UST: variants seen among roughly 807,000 people sequenced by gnomAD.
UST encodes the protein uronyl 2-sulfotransferase.
In UST, 21 loss-of-function variants were observed where a neutral mutation model predicts 45.6. That is an observed-to-expected ratio of 0.46 (90% confidence interval 0.33 to 0.66). The LOEUF is 0.66. UST is among the 30% of genes least tolerant of loss of function. The pLI is 0.02. For synonymous variants in UST, 215 were observed against 200.6 expected, an observed-to-expected ratio of 1.07 and a Z score of -0.61; for missense variants, 463 against 512.4, an observed-to-expected ratio of 0.90 and a Z score of 0.93.
intron 2 of UST, among the ~76,000 whole-genome samples, chr6:148,939,103 A>G (rs1420520295): frequency 1.3e-5 from 2 of 152,174 alleles, no homozygotes; most frequent in African/African-American, 4.8e-5. Context: ...TAAGAGAAGA[A>G]TTCTATTTAT....
rs948669586 is a variant in UST at position 148,842,827 on chromosome 6, G to A, written c.248-44159G>A. On this transcript the variant is annotated intron_variant, in intron 1 of 7. Transcript: ENST00000367463. ...TAAGAGGTTTCTTATAACAGGCCTA[G>A]TCTGTGGCAATCCTAGTGAGTAGTA... is the stretch of plus-strand genomic sequence containing the variant. Among the ~76,000 whole-genome samples, 7 of 152,292 alleles carry A rather than the reference G, an allele frequency of 4.6e-5. No individual in the cohort carries two copies. In the East Asian group the frequency reaches 1.3e-3, roughly 29 times the overall value.
chr6:148,970,306 G>A (rs559462520), intron 5 of UST, among the ~76,000 whole-genome samples: 7 of 152,248 alleles, frequency 4.6e-5, no homozygotes, highest in African/African-American at 7.2e-5. Context: ...ACCACCAAAC[G>A]GCAGCCATGT....
intron 5 of UST, among the ~76,000 whole-genome samples, chr6:149,005,998 T>C (rs1424576390): frequency 6.6e-6 from 1 of 152,204 alleles, no homozygotes; most frequent in Non-Finnish European, 1.5e-5. Context: ...AAAGAGGTCC[T>C]TGTAACTAAC....
chr6:148,760,736 C>CAAAAA (rs773945433), intron 1 of UST, among the ~76,000 whole-genome samples: 8 of 149,274 alleles, frequency 5.4e-5, no homozygotes, highest in South Asian at 2.1e-4. Context: ...CAAAACAAAA[C>CAAAAA]AAAAAAAAAC....
chr6:148,850,691 G>A (rs1778087610), intron 1 of UST, among the ~76,000 whole-genome samples: 1 of 152,184 alleles, frequency 6.6e-6, no homozygotes, highest in Admixed American at 6.5e-5. Context: ...CCTCCAGGTT[G>A]ACATATGGGA....
intron 1 of UST, among the ~76,000 whole-genome samples, chr6:148,838,704 G>A (rs1423661670): frequency 2.0e-5 from 3 of 152,046 alleles, no homozygotes; most frequent in Admixed American, 6.6e-5. Flanking sequence ...AGACCAGCCT[G>A]GGCAACATAA....
chr6:148,979,330 G>GA, intron 5 of UST, among the ~76,000 whole-genome samples: 1 of 152,178 alleles, frequency 6.6e-6, no homozygotes, highest in Admixed American at 6.5e-5. Flanking sequence ...AAGGAAAGAT[G>GA]AAAAACAACT....
chr6:149,055,490 A>G (rs1404572326), intron 7 of UST, among the ~76,000 whole-genome samples: 1 of 152,050 alleles, frequency 6.6e-6, no homozygotes, highest in Non-Finnish European at 1.5e-5. Context: ...TTCATTGAAC[A>G]CACTTTTTAA....
chr6:148,988,108 G>A (rs1393679068), intron 5 of UST, among the ~76,000 whole-genome samples: 1 of 151,880 alleles, frequency 6.6e-6, no homozygotes, highest in Non-Finnish European at 1.5e-5. Context: ...TGAGTACAAG[G>A]TCCAAGCAGA....
At chr6:149,034,725 C>T (rs939076411) in intron 7 of UST, among the ~76,000 whole-genome samples, 5 of 152,158 alleles carry the variant, frequency 3.3e-5, no homozygotes, top group Admixed American at 6.5e-5. Flanking sequence ...AAGTTGCCTC[C>T]TCATGAAAGG....
At chr6:149,021,630 G>A in intron 7 of UST, 149 bp downstream of exon 7, 1 of 938,408 alleles carries the variant, frequency 1.1e-6, no homozygotes, top group Non-Finnish European at 1.6e-6. Context: ...AGGAAAGTTA[G>A]AACCAGGAGC....
In UST at chr6:149,021,244, T is replaced by C. The variant is rs182741959; in HGVS notation, c.780-80T>C. 1,746 of 1,441,908 alleles carry C rather than the reference T, an allele frequency of 1.2e-3. 9 individuals are homozygous for C. The highest frequency in any genetic ancestry group is 8.8e-4 in the Non-Finnish European group (940 of 1,063,244). 89.3% of individuals were successfully genotyped at this position (1,441,908 alleles called of 1,614,324 possible). On this transcript the variant is annotated intron_variant, in intron 6 of 7. Transcript: ENST00000367463. Reference sequence around the variant, plus strand: ...GACTTATGCAAGTGAAGGTGGGAGGTAGAGGGGGTAAACTCTCAGCATCTT... The same window carrying C: ...GACTTATGCAAGTGAAGGTGGGAGGCAGAGGGGGTAAACTCTCAGCATCTT...
At chr6:148,802,984 A>G (rs527806942) in intron 1 of UST, among the ~76,000 whole-genome samples, 2 of 152,254 alleles carry the variant, frequency 1.3e-5, no homozygotes, top group Admixed American at 1.3e-4. Context: ...TAATTATTTT[A>G]TATTATTGAT....
chr6:148,849,214 T>A (rs906577706), intron 1 of UST, among the ~76,000 whole-genome samples: 1 of 152,162 alleles, frequency 6.6e-6, no homozygotes, highest in Non-Finnish European at 1.5e-5. Flanking sequence ...CTTCACCAAG[T>A]CATCCAGGCA....
chr6:149,048,930 T>C (rs1207385783), intron 7 of UST, among the ~76,000 whole-genome samples: 1 of 152,188 alleles, frequency 6.6e-6, no homozygotes, highest in Non-Finnish European at 1.5e-5. Flanking sequence ...GGAGAGCACA[T>C]TGTTAACCCC....
intron 2 of UST, among the ~76,000 whole-genome samples, chr6:148,918,758 C>G (rs752393048): frequency 6.6e-6 from 1 of 152,110 alleles, no homozygotes; most frequent in Non-Finnish European, 1.5e-5. Flanking sequence ...GTCCTAGCAC[C>G]GTGCTAGGTC....
At chr6:149,068,385 A>G (rs893324997) in intron 7 of UST, among the ~76,000 whole-genome samples, 2 of 152,216 alleles carry the variant, frequency 1.3e-5, no homozygotes, top group Non-Finnish European at 2.9e-5. Flanking sequence ...TGGCTCTTCC[A>G]TCAAGGGGTT....
chr6:148,749,747 T>G (rs1450542752), intron 1 of UST, among the ~76,000 whole-genome samples: 1 of 152,198 alleles, frequency 6.6e-6, no homozygotes, highest in Non-Finnish European at 1.5e-5. Context: ...GGGTGGTCAG[T>G]TGGTAGAAGG....
intron 5 of UST, among the ~76,000 whole-genome samples, chr6:148,998,436 C>T (rs1488214191): frequency 6.6e-6 from 1 of 152,230 alleles, no homozygotes; most frequent in African/African-American, 2.4e-5. Flanking sequence ...CGTATTCCTT[C>T]TGATCTCTGG....
Sources: gnomAD v4.1 joint callset for allele counts (sites outside exome capture counted in the v4.1 genomes callset) on GRCh38, gnomAD v4.1.1 for gene constraint, MANE v1.5 for transcripts, NCBI Gene and HGNC (gene_info 2026-07-23, HGNC 2026-07-21) for gene names.